CCDC7: variants seen among roughly 807,000 people sequenced by gnomAD.
The protein encoded by CCDC7 is coiled-coil domain-containing protein 7.
In CCDC7, 183 loss-of-function variants were observed where a neutral mutation model predicts 196.9. The ratio of observed to expected loss-of-function variants is 0.93; its 90% CI spans 0.82 to 1.05. The LOEUF is 1.05. CCDC7 is among the 50% of genes least tolerant of loss of function. CCDC7 has a pLI of 0.00. For synonymous variants in CCDC7, 525 were observed against 484.6 expected (o/e 1.08, Z -1.10); for missense variants, 1,540 against 1,482.2 (o/e 1.04, Z -0.64).
intron 28 of CCDC7, among the ~76,000 whole-genome samples, chr10:32,744,554 C>T (rs970460759): frequency 6.6e-6 from 1 of 152,162 alleles, no homozygotes; most frequent in African/African-American, 2.4e-5. Context: ...TTCTAATGCA[C>T]AATTTCCTAA....
intron 28 of CCDC7, among the ~76,000 whole-genome samples, chr10:32,771,915 T>A (rs2079222035): frequency 6.6e-6 from 1 of 152,216 alleles, no homozygotes; most frequent in Non-Finnish European, 1.5e-5. Flanking sequence ...TTGTCTTGGC[T>A]GGCCTCCAGC....
At chr10:32,823,822 A>C (rs1267450872) in intron 31 of CCDC7, among the ~76,000 whole-genome samples, 1 of 152,236 alleles carries the variant, frequency 6.6e-6, no homozygotes, top group Non-Finnish European at 1.5e-5. Context: ...AAAGGAATAC[A>C]ATCCTAAGGC....
chr10:32,810,043 C>T (rs1234738942), intron 30 of CCDC7, among the ~76,000 whole-genome samples: 1 of 151,242 alleles, frequency 6.6e-6, no homozygotes, highest in Non-Finnish European at 1.5e-5. Context: ...GATGTGGAAA[C>T]ACACAAATGA....
upstream of CCDC7, among the ~76,000 whole-genome samples, chr10:32,447,641 C>A (rs767464184): frequency 5.9e-5 from 9 of 152,122 alleles, no homozygotes; most frequent in Admixed American, 1.3e-4. Context: ...GTGGCTCAGG[C>A]GTGTAATCCC....
chr10:32,567,797 CA>C lies in CCDC7; in HGVS notation c.1331del (p.Asn444IlefsTer38), dbSNP rs2057042625. ...CAAACAAAAGTTAAAGGTGAAGATT[CA>C]AAAAATATACCATTGGAGAAAGAAA... On this transcript the variant is annotated frameshift_variant, in exon 15 of 42. Transcript: ENST00000639629. LOFTEE classifies it high-confidence loss of function. The C allele has an allele frequency of 6.2e-7, 1 of 1,613,264 alleles. No individual in the cohort carries two copies. The highest frequency in any genetic ancestry group is 8.5e-7 in the Non-Finnish European group (1 of 1,179,720).
chr10:32,647,615 G>T (rs549519925), intron 20 of CCDC7, among the ~76,000 whole-genome samples: 1 of 150,026 alleles, frequency 6.7e-6, no homozygotes, highest in Admixed American at 6.8e-5. Flanking sequence ...TCATATGCTT[G>T]TTGGCAGCAT....
chr10:32,682,740 T>G (rs1314765787), intron 21 of CCDC7, among the ~76,000 whole-genome samples: 1 of 152,234 alleles, frequency 6.6e-6, no homozygotes, highest in Non-Finnish European at 1.5e-5. Context: ...ATTTCTCTAA[T>G]GATTAGTGAT....
At chr10:32,834,882 G>A in exon 33 of CCDC7, 1 of 1,435,270 alleles carries the variant, frequency 7.0e-7, no homozygotes, top group Non-Finnish European at 9.8e-7. Context: ...TCAACATACA[G>A]TCAAAGAGTC....
chr10:32,677,726 G>A (rs892882509), intron 21 of CCDC7, among the ~76,000 whole-genome samples: 4 of 151,636 alleles, frequency 2.6e-5, no homozygotes, highest in Non-Finnish European at 4.4e-5. Context: ...TTTGTGTTTC[G>A]TGTATCTGGA....
At chr10:32,474,105 A>G (rs2038490983) in intron 8 of CCDC7, 82 bp downstream of exon 9, 1 of 1,426,038 alleles carries the variant, frequency 7.0e-7, no homozygotes, top group Non-Finnish European at 9.5e-7. Context: ...TATTAGGTTA[A>G]CAGTGCAGAC....
At chr10:32,853,363 T>C (rs1260790876) in intron 40 of CCDC7, among the ~76,000 whole-genome samples, 1 of 152,150 alleles carries the variant, frequency 6.6e-6, no homozygotes, top group Admixed American at 6.5e-5. Flanking sequence ...GCATAAAATA[T>C]TTTAAAATTT....
chr10:32,482,911 G>A (rs937968681), intron 8 of CCDC7, among the ~76,000 whole-genome samples: 1 of 152,082 alleles, frequency 6.6e-6, no homozygotes, highest in Non-Finnish European at 1.5e-5. Flanking sequence ...TTGGACATTT[G>A]GGTTGGTTCC....
At chr10:32,578,964 A>G (rs55650006) in intron 16 of CCDC7, among the ~76,000 whole-genome samples, 20,378 of 152,186 alleles carry the variant, frequency 0.13, 1,620 homozygotes, top group African/African-American at 0.22. Flanking sequence ...GTGTGATATA[A>G]TATCTGGAGA....
At chr10:32,758,958 CAG>C (rs1000492886) in intron 28 of CCDC7, among the ~76,000 whole-genome samples, 1 of 152,082 alleles carries the variant, frequency 6.6e-6, no homozygotes, top group East Asian at 1.9e-4. Context: ...CAATAGCAGA[CAG>C]AGAGCCAAAT....
At chr10:32,764,662 T>A (rs1191111230) in intron 28 of CCDC7, among the ~76,000 whole-genome samples, 1 of 151,978 alleles carries the variant, frequency 6.6e-6, no homozygotes, top group Non-Finnish European at 1.5e-5. Context: ...TAAGATCTGC[T>A]CACCCATCTT....
At chr10:32,753,712 A>G in intron 28 of CCDC7, among the ~76,000 whole-genome samples, 1 of 152,042 alleles carries the variant, frequency 6.6e-6, no homozygotes, top group Admixed American at 6.6e-5. Flanking sequence ...TTTTGCTACC[A>G]TTTCTCTGTG....
intron 8 of CCDC7, among the ~76,000 whole-genome samples, chr10:32,478,412 T>G (rs545028894): frequency 2.0e-5 from 3 of 152,330 alleles, no homozygotes; most frequent in African/African-American, 7.2e-5. Context: ...ATTTAGGATT[T>G]CACTGTAAGT....
intron 29 of CCDC7, among the ~76,000 whole-genome samples, chr10:32,781,886 T>C (rs1053313946): frequency 6.6e-6 from 1 of 152,112 alleles, no homozygotes. Flanking sequence ...TGCCAAGAGG[T>C]GACATTATCT....
At chr10:32,656,144 T>C (rs545437237) in intron 20 of CCDC7, among the ~76,000 whole-genome samples, 1 of 152,342 alleles carries the variant, frequency 6.6e-6, no homozygotes, top group East Asian at 1.9e-4. Context: ...CCCTACGTTT[T>C]CTTCTAGTAG....
Sources: gnomAD v4.1 joint callset for allele counts (sites outside exome capture counted in the v4.1 genomes callset) on GRCh38, gnomAD v4.1.1 for gene constraint, MANE v1.5 for transcripts, NCBI Gene and HGNC (gene_info 2026-07-23, HGNC 2026-07-21) for gene names.